Variants in HDAC9 observed in about 807,000 individuals in gnomAD.
HDAC9 encodes histone deacetylase 9.
HDAC9 carries 41 observed loss-of-function variants against 139.4 expected under a neutral mutation model. The ratio of observed to expected loss-of-function variants is 0.29; its 90% CI spans 0.23 to 0.38. The LOEUF (loss-of-function observed/expected upper bound fraction) is 0.38, where lower values mean the gene tolerates loss of function less well. HDAC9 is among the 10% of genes least tolerant of loss of function. The pLI, the probability that HDAC9 is intolerant of heterozygous loss-of-function variation, is 1.00. For synonymous variants in HDAC9, 517 were observed against 476.2 expected, an observed-to-expected ratio of 1.09 and a Z score of -1.12; for missense variants, 1,147 against 1,297.0, an observed-to-expected ratio of 0.88 and a Z score of 1.78.
chr7:18,699,866 T>C (rs1783331387), intron 12 of HDAC9, among the ~76,000 whole-genome samples: 1 of 152,068 alleles, frequency 6.6e-6, no homozygotes, highest in Admixed American at 6.5e-5. Context: ...TTCAAAGTCC[T>C]TTTTTTGTAT....
chr7:18,144,715 C>G (rs1786169520), intron 1 of HDAC9, among the ~76,000 whole-genome samples: 1 of 152,086 alleles, frequency 6.6e-6, no homozygotes, highest in African/African-American at 2.4e-5. Context: ...CTTTCCATCT[C>G]TTCCTTAGCC....
intron 1 of HDAC9, among the ~76,000 whole-genome samples, chr7:18,129,203 T>C (rs1298516673): frequency 1.3e-5 from 2 of 152,142 alleles, no homozygotes; most frequent in African/African-American, 4.8e-5. Context: ...ATAATCCTCA[T>C]TGAACTCTTA....
At chr7:18,833,772 A>T (rs189476851) in intron 19 of HDAC9, among the ~76,000 whole-genome samples, 13 of 152,292 alleles carry the variant, frequency 8.5e-5, no homozygotes, top group Admixed American at 3.3e-4. Flanking sequence ...GTACCATTCA[A>T]AAAGGGAAAA....
intron 23 of HDAC9, among the ~76,000 whole-genome samples, chr7:18,936,478 A>C (rs183856422): frequency 8.5e-5 from 13 of 152,290 alleles, no homozygotes; most frequent in Non-Finnish European, 1.6e-4. Flanking sequence ...TAAATGGCCA[A>C]AGACCATTAT....
chr7:18,710,925 A>C (rs28709047), intron 12 of HDAC9, among the ~76,000 whole-genome samples: 1,862 of 152,358 alleles, frequency 0.012, 31 homozygotes, highest in African/African-American at 0.042. Context: ...TTAAACTAAC[A>C]GTCACAAAGG....
rs1024757907 is a variant in HDAC9, at chr7:18,355,200, A to G, written c.-42+64685A>G. On this transcript the variant is annotated intron_variant, in intron 1 of 3. Coordinates refer to the HDAC9 transcript ENST00000413509. Reference sequence around the variant, plus strand: ...TATACATGAAATAAAAACTCTTATTATCTCCACTTGTCCATGAGGAAACCA... The same window carrying G: ...TATACATGAAATAAAAACTCTTATTGTCTCCACTTGTCCATGAGGAAACCA... Among the ~76,000 whole-genome samples, 6 of 152,286 alleles carry G rather than the reference A, an allele frequency of 3.9e-5. No homozygotes were observed. The East Asian group carries it at 9.6e-4, about 24-fold the overall frequency.
At chr7:18,476,012 T>G (rs777790380) in intron 1 of HDAC9, among the ~76,000 whole-genome samples, 9 of 152,194 alleles carry the variant, frequency 5.9e-5, no homozygotes, top group Non-Finnish European at 1.0e-4. Flanking sequence ...CCCAACTATG[T>G]GTTTATAAGG....
intron 13 of HDAC9, among the ~76,000 whole-genome samples, chr7:18,742,184 C>G (rs1170876914): frequency 6.6e-6 from 1 of 152,194 alleles, no homozygotes; most frequent in Non-Finnish European, 1.5e-5. Flanking sequence ...TAATACTAAG[C>G]AGCATTCCAT....
At chr7:18,577,648 C>G (rs934655097) in intron 2 of HDAC9, among the ~76,000 whole-genome samples, 2 of 151,992 alleles carry the variant, frequency 1.3e-5, no homozygotes, top group African/African-American at 4.8e-5. Context: ...TTTTTATTTC[C>G]ATTGTATTTA....
chr7:18,204,073 A>G (rs1791323477), intron 2 of HDAC9, among the ~76,000 whole-genome samples: 1 of 152,206 alleles, frequency 6.6e-6, no homozygotes, highest in Non-Finnish European at 1.5e-5. Flanking sequence ...TCAATGGGCT[A>G]CTATTGGTCA....
chr7:18,932,795 GA>G (rs1461178064), intron 22 of HDAC9, among the ~76,000 whole-genome samples: 1 of 134,926 alleles, frequency 7.4e-6, no homozygotes, highest in African/African-American at 2.8e-5. Flanking sequence ...GAGAGAAAGA[GA>G]AAAAGAAGAA....
At chr7:18,912,589 C>T (rs1712996928) in intron 22 of HDAC9, among the ~76,000 whole-genome samples, 1 of 151,960 alleles carries the variant, frequency 6.6e-6, no homozygotes, top group Non-Finnish European at 1.5e-5. Context: ...ACTTGAAGGT[C>T]CCACTAGCAT....
chr7:18,955,659 C>G (rs1443709255), intron 24 of HDAC9, among the ~76,000 whole-genome samples: 2 of 152,048 alleles, frequency 1.3e-5, no homozygotes, highest in African/African-American at 4.8e-5. Flanking sequence ...AGCTAACAGT[C>G]CAATGAGTGA....
At chr7:18,884,228 C>G (rs1799951101) in intron 22 of HDAC9, among the ~76,000 whole-genome samples, 1 of 152,136 alleles carries the variant, frequency 6.6e-6, no homozygotes, top group South Asian at 2.1e-4. Context: ...ACAAAAGACC[C>G]TGAATAGCCT....
intron 1 of HDAC9, among the ~76,000 whole-genome samples, chr7:18,141,990 A>T (rs1178361): frequency 0.45 from 67,577 of 151,794 alleles, 17,959 homozygotes; most frequent in African/African-American, 0.75. Flanking sequence ...CCCACATAAA[A>T]CCTTGGGTTC....
chr7:18,544,455 GA>G (rs1814082494), intron 2 of HDAC9, among the ~76,000 whole-genome samples: 1 of 152,218 alleles, frequency 6.6e-6, no homozygotes, highest in Non-Finnish European at 1.5e-5. Context: ...TGGAGATGTT[GA>G]AGGGACAGTG....
At chr7:18,976,409 A>G (rs559602570) in intron 25 of HDAC9, among the ~76,000 whole-genome samples, 1 of 152,202 alleles carries the variant, frequency 6.6e-6, no homozygotes, top group East Asian at 1.9e-4. Flanking sequence ...GCCAAAATAC[A>G]TACACACTCC....
intron 1 of HDAC9, among the ~76,000 whole-genome samples, chr7:18,484,549 C>T (rs1054652835): frequency 1.3e-5 from 2 of 152,072 alleles, no homozygotes; most frequent in African/African-American, 4.8e-5. Flanking sequence ...AGTGTTTTCT[C>T]CCTAGCTTTT....
At chr7:18,504,542 T>C (rs947014882) in intron 2 of HDAC9, among the ~76,000 whole-genome samples, 16 of 152,248 alleles carry the variant, frequency 1.1e-4, no homozygotes, top group African/African-American at 3.9e-4. Flanking sequence ...TGACCTCAAG[T>C]GATCTGCCCG....
Sources: allele counts gnomAD v4.1 joint callset (sites outside exome capture counted in the v4.1 genomes callset), GRCh38; gene constraint gnomAD v4.1.1; transcripts MANE v1.5; gene names NCBI Gene and HGNC (gene_info 2026-07-23, HGNC 2026-07-21).